The following AGBL2 variants were observed in gnomAD, a reference collection of about 807,000 sequenced individuals.
AGBL2 encodes the protein AGBL carboxypeptidase 2.
Under a neutral mutation model 103.0 loss-of-function variants are expected in AGBL2, and 87 were observed. The observed-to-expected ratio is 0.84, with a 90% CI of 0.71 to 1.01. The LOEUF (loss-of-function observed/expected upper bound fraction) is 1.01, where lower values mean the gene tolerates loss of function less well. AGBL2 is among the 50% of genes least tolerant of loss of function. The probability of loss-of-function intolerance (pLI) is 0.00; values close to 1 mark genes in which losing one functional copy is unlikely to be tolerated. For missense variants in AGBL2, 904 were observed against 1,023.5 expected, an observed-to-expected ratio of 0.88 and a Z score of 1.59; for synonymous variants, 335 against 356.7, an observed-to-expected ratio of 0.94 and a Z score of 0.69.
intron 10 of AGBL2, among the ~76,000 whole-genome samples, chr11:47,687,138 AAAAT>A (rs1239103856): frequency 2.3e-5 from 3 of 128,422 alleles, no homozygotes; most frequent in Admixed American, 1.5e-4. Context: ...TAATAATAAA[AAAAT>A]AAATAAATAA....
intron 12 of AGBL2, among the ~76,000 whole-genome samples, chr11:47,680,390 G>A (rs1163139737): frequency 2.0e-5 from 3 of 151,994 alleles, no homozygotes; most frequent in African/African-American, 7.3e-5. Flanking sequence ...GAATCCGGGA[G>A]GTGGAGCTTG....
At chr11:47,693,341 T>A (rs2097455404) in intron 8 of AGBL2, among the ~76,000 whole-genome samples, 1 of 152,156 alleles carries the variant, frequency 6.6e-6, no homozygotes. Flanking sequence ...TGTTTTAAGA[T>A]TTTTATAGTT....
rs116345237 is a variant in AGBL2 at position 47,708,514 on chromosome 11, T to G, written c.232+1863A>C. On this transcript the variant is annotated intron_variant, in intron 4 of 18. Coordinates refer to ENST00000525123, the MANE Select transcript of AGBL2 (RefSeq NM_024783.4). ...TATTTTTTCCAAAGAGAAGTTTAAA[T>G]TTTTCCTTTAAAAATTATCAGCTGG... Among the ~76,000 whole-genome samples the G allele has an allele frequency of 8.0e-3, 1,212 of 151,894 alleles. 19 individuals are homozygous for G. The highest frequency in any genetic ancestry group is 0.028 in the African/African-American group (1,141 of 41,478).
At chr11:47,678,335 A>ATTTTTTTTTT (rs771416947) in intron 13 of AGBL2, among the ~76,000 whole-genome samples, 1 of 67,784 alleles carries the variant, frequency 1.5e-5, no homozygotes, top group Admixed American at 2.0e-4. Context: ...ATTTTATTTT[A>ATTTTTTTTTT]TTATTTTATT....
chr11:47,694,828 AT>A (rs2097460963), intron 8 of AGBL2, among the ~76,000 whole-genome samples: 1 of 152,114 alleles, frequency 6.6e-6, no homozygotes, highest in Non-Finnish European at 1.5e-5. Flanking sequence ...AGGCAGGGGA[AT>A]GGGGAATAGT....
At chr11:47,711,000 C>T (rs2097535187) in intron 3 of AGBL2, 1 of 367,712 alleles carries the variant, frequency 2.7e-6, no homozygotes, top group Non-Finnish European at 5.3e-6. Flanking sequence ...GAAAGGGTTC[C>T]AACCCTCAAT....
At chr11:47,681,880 C>A in intron 12 of AGBL2, 89 bp downstream of exon 12, 1 of 1,485,504 alleles carries the variant, frequency 6.7e-7, no homozygotes, top group Non-Finnish European at 9.2e-7. Flanking sequence ...TCAGTTATCT[C>A]CCCAGCATTC....
intron 6 of AGBL2, 82 bp from the exon 7 acceptor site, chr11:47,704,810 T>C: frequency 9.3e-7 from 1 of 1,078,570 alleles, no homozygotes. Flanking sequence ...AATGAAACTA[T>C]TTTAAGCATT....
chr11:47,690,281 A>G lies in AGBL2; in HGVS notation c.1426T>C (p.Leu476=). 1 of 1,613,860 alleles carries G rather than the reference A, an allele frequency of 6.2e-7. No homozygotes were observed. Among genetic ancestry groups the G allele is most frequent in the Non-Finnish European group, 8.5e-7 (1 of 1,179,966 alleles). Residue 476 remains leucine, a synonymous_variant, in exon 10 of 19, where the codon TTG becomes CTG. Coordinates refer to ENST00000525123, the MANE Select transcript of AGBL2 (RefSeq NM_024783.4). ...SNGSWVMKGF[L]DFILSNSPDA... ...GGGGAGTTGCTAAGGATGAAGTCCA[A>G]AAAGCCTTTCATAACCCAGGAGCCA... is the stretch of plus-strand genomic sequence containing the variant.
At position 47,667,633 on chromosome 11, in the gene AGBL2, G is replaced by C. The variant is rs377064786; in HGVS notation, c.2278C>G (p.Arg760Gly). Reference sequence around the variant, plus strand: ...TTTTTTTTCTGATACTGCTCATTTCGCTGTTTCCTAGTCTGAAGTGACTTC... The same window carrying C: ...TTTTTTTTCTGATACTGCTCATTTCCCTGTTTCCTAGTCTGAAGTGACTTC... The part of the protein sequence containing the change: ...KKKSLQTRKQ[R>G]NEQYQKKNLM... Residue 760 changes from arginine to glycine, a missense_variant, in exon 16 of 19, where the codon CGA (arginine) becomes GGA (glycine). By Grantham distance (125) the Arg-to-Gly change is moderately radical. Transcript: ENST00000525123. 6 of 1,613,080 alleles carry C rather than the reference G, an allele frequency of 3.7e-6. No individual in the cohort carries two copies. In the African/African-American group the frequency reaches 8.0e-5, roughly 22 times the overall value.
At chr11:47,686,524 A>C (rs2097424525) in intron 10 of AGBL2, among the ~76,000 whole-genome samples, 1 of 130,306 alleles carries the variant, frequency 7.7e-6, no homozygotes, top group Non-Finnish European at 1.5e-5. Flanking sequence ...TCTCAGGTTG[A>C]GATATAATCC....
intron 7 of AGBL2, among the ~76,000 whole-genome samples, chr11:47,703,246 G>T (rs543660644): frequency 8.3e-4 from 126 of 151,898 alleles, no homozygotes; most frequent in Admixed American, 5.5e-3. Flanking sequence ...ACTGAGACAG[G>T]GTAGCACCCC....
intron 13 of AGBL2, 83 bp downstream of exon 13, chr11:47,679,890 C>G: frequency 1.1e-6 from 1 of 875,688 alleles, no homozygotes; most frequent in African/African-American, 1.7e-5. Context: ...AATCCACCCA[C>G]TTCAGCCTCC....
chr11:47,678,667 G>A (rs542796758), intron 13 of AGBL2, among the ~76,000 whole-genome samples: 1 of 151,338 alleles, frequency 6.6e-6, no homozygotes, highest in African/African-American at 2.4e-5. Flanking sequence ...TTGTTTGTTT[G>A]TTTGTTTGGG....
chr11:47,673,866 G>A (rs2097365352), intron 14 of AGBL2, among the ~76,000 whole-genome samples: 1 of 149,930 alleles, frequency 6.7e-6, no homozygotes, highest in Admixed American at 6.7e-5. Context: ...TGAGGAGGCC[G>A]AGATGGGTGG....
chr11:47,691,025 G>A (rs1376378661), intron 9 of AGBL2, among the ~76,000 whole-genome samples, 167 bp from the exon 10 acceptor site: 19 of 151,654 alleles, frequency 1.3e-4, no homozygotes, highest in African/African-American at 4.6e-4. Flanking sequence ...AGGCTGAGGC[G>A]GGCTGATTAC....
At chr11:47,668,032 A>G (rs1189717743) in intron 15 of AGBL2, among the ~76,000 whole-genome samples, 1 of 151,848 alleles carries the variant, frequency 6.6e-6, no homozygotes, top group East Asian at 1.9e-4. Flanking sequence ...AACATGGTAA[A>G]ACCCCACCTC....
At chr11:47,663,229 A>C (rs1342488790) in intron 17 of AGBL2, 117 bp from the exon 18 acceptor site, 1 of 663,034 alleles carries the variant, frequency 1.5e-6, no homozygotes, top group African/African-American at 1.9e-5. Flanking sequence ...TGATATTCCC[A>C]CATAAAAGGA....
chr11:47,686,146 A>C, intron 10 of AGBL2, 97 bp from the exon 11 acceptor site: 3 of 1,262,586 alleles, frequency 2.4e-6, no homozygotes, highest in Non-Finnish European at 3.3e-6. Flanking sequence ...AGCTGTTAAT[A>C]CTTTCCCTCC....
Sources: gnomAD v4.1 joint callset for allele counts (sites outside exome capture counted in the v4.1 genomes callset) on GRCh38, gnomAD v4.1.1 for gene constraint, MANE v1.5 for transcripts, NCBI Gene and HGNC (gene_info 2026-07-23, HGNC 2026-07-21) for gene names.